Variants in GLB1 observed in about 807,000 individuals in gnomAD.
GLB1 encodes the protein beta-galactosidase.
Under a neutral mutation model 74.0 loss-of-function variants are expected in GLB1, and 56 were observed. That is an observed-to-expected ratio of 0.76 (90% CI 0.61 to 0.94). The LOEUF (loss-of-function observed/expected upper bound fraction) is 0.94, where lower values mean the gene tolerates loss of function less well. GLB1 is among the 40% of genes least tolerant of loss of function. The pLI is 0.00. For synonymous variants in GLB1, 323 were observed against 323.6 expected, an observed-to-expected ratio of 1.00 and a Z score of 0.02; for missense variants, 787 against 845.5, an observed-to-expected ratio of 0.93 and a Z score of 0.86.
intron 1 of GLB1, among the ~76,000 whole-genome samples, chr3:33,089,681 A>G (rs1416173176): frequency 6.6e-6 from 1 of 152,240 alleles, no homozygotes; most frequent in African/African-American, 2.4e-5. Context: ...GATTTCACTT[A>G]TACGAGGTAT....
At chr3:32,972,290 C>A in the GLB1 span, among the ~76,000 whole-genome samples, 1 of 152,174 alleles carries the variant, frequency 6.6e-6, no homozygotes. Context: ...AATAGGCTGG[C>A]TTTAGATTAC....
At chr3:33,088,073 A>C (rs1700599865) in intron 1 of GLB1, among the ~76,000 whole-genome samples, 2 of 152,156 alleles carry the variant, frequency 1.3e-5, no homozygotes, top group South Asian at 4.1e-4. Context: ...ATGATTAAAA[A>C]AACCAACAAC....
intron 1 of GLB1, among the ~76,000 whole-genome samples, chr3:33,074,397 A>G (rs571294905): frequency 1.3e-4 from 16 of 127,292 alleles, no homozygotes; most frequent in Non-Finnish European, 1.8e-4. Context: ...AGGAAGAAAG[A>G]AAGAAAGAAA....
the GLB1 span, among the ~76,000 whole-genome samples, chr3:32,980,866 A>G: frequency 0.11 from 16,343 of 151,372 alleles, 1,120 homozygotes; most frequent in African/African-American, 0.2. Context: ...TGAGGCAAGT[A>G]GATCACTTGA....
intron 15 of GLB1, among the ~76,000 whole-genome samples, chr3:33,003,284 G>A (rs1010860521): frequency 1.3e-5 from 2 of 152,104 alleles, no homozygotes; most frequent in Non-Finnish European, 2.9e-5. Flanking sequence ...TTCCACCATA[G>A]CTAGACCTTT....
chr3:32,987,675 T>C, the GLB1 span, among the ~76,000 whole-genome samples: 3 of 152,328 alleles, frequency 2.0e-5, no homozygotes, highest in South Asian at 6.2e-4. Context: ...TTTATTATTA[T>C]TGCTATTGAT....
At chr3:33,016,221 G>C (rs1697230729) in intron 14 of GLB1, among the ~76,000 whole-genome samples, 1 of 152,162 alleles carries the variant, frequency 6.6e-6, no homozygotes, top group Admixed American at 6.5e-5. Context: ...TAAAGCAGAG[G>C]AAAAGCATGG....
chr3:33,025,234 C>A (rs926804485), intron 10 of GLB1, among the ~76,000 whole-genome samples: 23 of 152,200 alleles, frequency 1.5e-4, no homozygotes. Context: ...CGTGAGCCAG[C>A]GCGCCTGGCC....
the GLB1 span, among the ~76,000 whole-genome samples, chr3:32,977,229 C>G: frequency 7.0e-6 from 1 of 143,524 alleles, no homozygotes; most frequent in Non-Finnish European, 1.5e-5. Flanking sequence ...TTTTTTGAGA[C>G]AGAGTCTTGC....
the GLB1 span, among the ~76,000 whole-genome samples, chr3:32,975,334 C>T: frequency 3.9e-5 from 6 of 152,158 alleles, no homozygotes; most frequent in African/African-American, 1.4e-4. Flanking sequence ...ATCCTCCCAC[C>T]TTGACCTCCC....
At chr3:32,965,497 A>G in the GLB1 span, among the ~76,000 whole-genome samples, 1 of 152,144 alleles carries the variant, frequency 6.6e-6, no homozygotes, top group African/African-American at 2.4e-5. Flanking sequence ...GGTGGAAGAA[A>G]TTTCCGAGCA....
At chr3:33,011,842 T>A (rs1283366382) in intron 15 of GLB1, among the ~76,000 whole-genome samples, 2 of 152,172 alleles carry the variant, frequency 1.3e-5, no homozygotes, top group Non-Finnish European at 2.9e-5. Flanking sequence ...AACGTTTATA[T>A]TCAAGTATTC....
intron 1 of GLB1, among the ~76,000 whole-genome samples, chr3:33,094,594 G>A (rs1163037948): frequency 6.6e-6 from 1 of 152,194 alleles, no homozygotes; most frequent in Non-Finnish European, 1.5e-5. Flanking sequence ...GTGTGGTCTG[G>A]AGAGAGCCCT....
At chr3:32,961,866 C>T in the GLB1 span, among the ~76,000 whole-genome samples, 1 of 152,146 alleles carries the variant, frequency 6.6e-6, no homozygotes, top group African/African-American at 2.4e-5. Flanking sequence ...TATAACATTG[C>T]CCTGGAGGTA....
the GLB1 span, among the ~76,000 whole-genome samples, chr3:32,971,945 T>G: frequency 6.6e-6 from 1 of 152,192 alleles, no homozygotes; most frequent in African/African-American, 2.4e-5. Context: ...TCCTTCTTTC[T>G]AATTCCTCGA....
Position 33,093,870 on chromosome 3 carries a change from T to TC in GLB1, c.75+3140dup. On this transcript the variant is annotated intron_variant, in intron 1 of 15. Transcript: ENST00000307363. The surrounding 1 kb of genome is among the most constrained non-coding windows in gnomAD (Gnocchi z 6.0). ...CGCCAAGGAAAAGAGATAGGGCTCT[T>TC]CGGCCACTAAAAAGAACATGGTAAA... 6.2e-7 allele frequency: 1 copy of TC among 1,613,808 alleles called. No homozygotes were observed. Among genetic ancestry groups the TC allele is most frequent in the Non-Finnish European group, 8.5e-7 (1 of 1,179,872 alleles).
rs374951354 is a variant in GLB1 at position 33,006,203 on chromosome 3, G to GCCTGTTAGGAACTGGC, written c.1734+7852_1734+7853insGCCAGTTCCTAACAGG. On this transcript the variant is annotated intron_variant, in intron 15 of 15. Transcript: ENST00000307363. Reference sequence around the variant, plus strand: ...ACCCCAGGCCACAGACTGGTCTGCGGCCTGTTAGGAACCGGGCCGCACAGT... The same window carrying GCCTGTTAGGAACTGGC: ...ACCCCAGGCCACAGACTGGTCTGCGGCCTGTTAGGAACTGGCCCTGTTAGGAACCGGGCCGCACAGT... Among the ~76,000 whole-genome samples the GCCTGTTAGGAACTGGC allele has an allele frequency of 3.7e-3, 564 of 152,324 alleles. 4 individuals are homozygous for GCCTGTTAGGAACTGGC. Among genetic ancestry groups the GCCTGTTAGGAACTGGC allele is most frequent in the African/African-American group, 0.012 (487 of 41,570 alleles).
In GLB1 at chr3:33,070,796, T is replaced by C. The variant is rs191744267; in HGVS notation, c.245+1748A>G. Among the ~76,000 whole-genome samples, 21 of 152,286 alleles carry C rather than the reference T, an allele frequency of 1.4e-4. No homozygotes were observed. In the East Asian group the frequency reaches 3.1e-3, roughly 22 times the overall value. On this transcript the variant is annotated intron_variant, in intron 2 of 15. Transcript: ENST00000307363. ...CCCACTTTAAGGTTTCAGTGAACTATGATTGAGCCACTACATTCCAGCCAG... is the reference window on the plus strand; with the variant it reads ...CCCACTTTAAGGTTTCAGTGAACTACGATTGAGCCACTACATTCCAGCCAG...
chr3:33,015,303 C>T (rs778771144), intron 14 of GLB1, among the ~76,000 whole-genome samples: 5 of 152,146 alleles, frequency 3.3e-5, no homozygotes, highest in Non-Finnish European at 7.4e-5. Flanking sequence ...GGACCACACC[C>T]GAGTCACTCA....
Sources: gnomAD v4.1 joint callset for allele counts (sites outside exome capture counted in the v4.1 genomes callset) on GRCh38, gnomAD v4.1.1 for gene constraint, Gnocchi (gnomAD v3.1) non-coding constraint, MANE v1.5 for transcripts, NCBI Gene and HGNC (gene_info 2026-07-23, HGNC 2026-07-21) for gene names.